IPPK: variants seen among roughly 807,000 people sequenced by gnomAD.
The protein encoded by IPPK is inositol-pentakisphosphate 2-kinase.
Under a neutral mutation model 64.6 loss-of-function variants are expected in IPPK, and 22 were observed. The observed-to-expected ratio is 0.34, with a 90% CI of 0.24 to 0.49. The LOEUF (loss-of-function observed/expected upper bound fraction) is 0.49, where lower values mean the gene tolerates loss of function less well. Ranked by LOEUF, IPPK falls within the 20% of genes least tolerant of loss-of-function variation. IPPK has a pLI of 0.99. For synonymous variants in IPPK, 262 were observed against 247.2 expected (o/e 1.06, Z -0.56); for missense variants, 532 against 630.7 (o/e 0.84, Z 1.68).
At chr9:92,621,559 G>A (rs947738429) in intron 11 of IPPK, among the ~76,000 whole-genome samples, 2 of 134,944 alleles carry the variant, frequency 1.5e-5, no homozygotes, top group African/African-American at 6.0e-5. Context: ...TGTTGCCCAG[G>A]CTGGAGCACA....
At chr9:92,648,663 G>A (rs930543110) in intron 5 of IPPK, among the ~76,000 whole-genome samples, 1 of 152,252 alleles carries the variant, frequency 6.6e-6, no homozygotes, top group Admixed American at 6.5e-5. Flanking sequence ...ACTGGAGATG[G>A]TGGCTGGGGA....
Position 92,642,829 on chromosome 9 carries a change from G to C in IPPK, c.505-19C>G. 1.2e-6 allele frequency: 2 copies of C among 1,607,018 alleles called. No individual in the cohort carries two copies. The highest frequency in any genetic ancestry group is 1.7e-6 in the Non-Finnish European group (2 of 1,173,536). ...TTGCTACCTGTGAAAACACCAACAG[G>C]AGGGCATGAGGTGACTGGCGCTGGT... On this transcript the variant is annotated intron_variant, in intron 6 of 12. Transcript: ENST00000287996.
Position 92,638,145 on chromosome 9 carries a change from T to C in IPPK, c.772A>G (p.Ile258Val). ...GTGATCACGTGCACCAGCTCCCTGA[T>C]CACAGCCCTTGTGCAGTGGGGCCCA... is the stretch of plus-strand genomic sequence containing the variant. ...ASGPHCTRAV[I>V]RELVHVITRV... Residue 258 changes from isoleucine to valine, a missense_variant, in exon 9 of 13, where the codon ATC becomes GTC. Coordinates refer to ENST00000287996, the MANE Select transcript of IPPK (RefSeq NM_022755.6). 2 of 1,614,186 alleles carry C rather than the reference T, an allele frequency of 1.2e-6. No individual in the cohort carries two copies. Among genetic ancestry groups the C allele is most frequent in the South Asian group, 2.2e-5 (2 of 91,090 alleles).
In IPPK at chr9:92,613,295, C is replaced by A; in HGVS notation, c.*2537G>T. 1 of 832,762 alleles carries A rather than the reference C, an allele frequency of 1.2e-6. No individual in the cohort carries two copies. The highest frequency in any genetic ancestry group is 1.8e-5 in the South Asian group (1 of 56,356). The allele number at this position is 832,762 out of a possible 1,614,324, so 51.6% of individuals were successfully genotyped here. A position where few individuals can be genotyped will look rare whatever the true frequency, so the allele number is the denominator to read the frequency against. ...AGTTATGGCACATTATATGGAAACT[C>A]TCATGACATGAAAAATAAATACAAC... On this transcript the variant is annotated 3_prime_UTR_variant, in exon 13 of 13. Coordinates refer to ENST00000287996, the MANE Select transcript of IPPK (RefSeq NM_022755.6).
chr9:92,643,475 T>C (rs1285550924), intron 6 of IPPK, among the ~76,000 whole-genome samples: 1 of 151,544 alleles, frequency 6.6e-6, no homozygotes, highest in Non-Finnish European at 1.5e-5. Flanking sequence ...AATGAAGAAA[T>C]GCATAAATGA....
At chr9:92,665,297 G>GA (rs956297865) in intron 1 of IPPK, among the ~76,000 whole-genome samples, 1 of 152,150 alleles carries the variant, frequency 6.6e-6, no homozygotes, top group African/African-American at 2.4e-5. Flanking sequence ...TATACAGTCA[G>GA]AAAAAAACAG....
intron 6 of IPPK, among the ~76,000 whole-genome samples, chr9:92,647,244 T>C (rs1444559968): frequency 1.3e-5 from 2 of 152,102 alleles, no homozygotes; most frequent in African/African-American, 2.4e-5. Flanking sequence ...TCTCAACAGA[T>C]TGGTAACAAG....
intron 6 of IPPK, 33 bp downstream of exon 6, chr9:92,648,026 T>A: frequency 2.6e-6 from 4 of 1,523,136 alleles, no homozygotes; most frequent in Non-Finnish European, 3.6e-6. Flanking sequence ...AGCGTGCAGC[T>A]AGAGTAGCCC....
chr9:92,651,700 G>A (rs1852269841), intron 4 of IPPK, among the ~76,000 whole-genome samples: 1 of 152,114 alleles, frequency 6.6e-6, no homozygotes, highest in Non-Finnish European at 1.5e-5. Context: ...TGTTTTCTGT[G>A]GTATTAATTT....
intron 11 of IPPK, among the ~76,000 whole-genome samples, chr9:92,626,862 G>C (rs913990517): frequency 6.6e-6 from 1 of 150,940 alleles, no homozygotes; most frequent in African/African-American, 2.4e-5. Context: ...CAGACTATCA[G>C]AAGACATCTT....
chr9:92,629,482 T>G (rs919737237), intron 11 of IPPK, among the ~76,000 whole-genome samples: 3 of 152,130 alleles, frequency 2.0e-5, no homozygotes, highest in African/African-American at 7.2e-5. Flanking sequence ...CTGGGCACGG[T>G]GGCTCACACC....
intron 7 of IPPK, among the ~76,000 whole-genome samples, chr9:92,641,197 T>C (rs1852039003): frequency 6.6e-6 from 1 of 152,186 alleles, no homozygotes. Flanking sequence ...AGACCTCTGA[T>C]GGGCCACGAA....
At chr9:92,633,291 G>A (rs548475638) in intron 11 of IPPK, among the ~76,000 whole-genome samples, 212 of 151,024 alleles carry the variant, frequency 1.4e-3, no homozygotes, top group African/African-American at 4.7e-3. Flanking sequence ...GTTTACAGGC[G>A]TGAGCCACCA....
chr9:92,624,376 T>C (rs1851697431), intron 11 of IPPK, among the ~76,000 whole-genome samples: 1 of 152,120 alleles, frequency 6.6e-6, no homozygotes, highest in Non-Finnish European at 1.5e-5. Context: ...TGAGTATTAC[T>C]TGAACCCGGG....
At chr9:92,651,330 A>G (rs1185049804) in intron 4 of IPPK, among the ~76,000 whole-genome samples, 1 of 152,230 alleles carries the variant, frequency 6.6e-6, no homozygotes, top group African/African-American at 2.4e-5. Context: ...CACTGACTGA[A>G]AAAAAAGGTT....
chr9:92,648,814 C>T (rs74368140), intron 5 of IPPK, among the ~76,000 whole-genome samples: 168 of 152,314 alleles, frequency 1.1e-3, no homozygotes, highest in African/African-American at 3.7e-3. Context: ...GGGACCCTGA[C>T]AGCCACCCCC....
chr9:92,662,680 GA>G (rs1443659308), intron 1 of IPPK, among the ~76,000 whole-genome samples: 3 of 152,082 alleles, frequency 2.0e-5, no homozygotes, highest in African/African-American at 7.2e-5. Flanking sequence ...TTCCACCTTG[GA>G]AAATTAGATG....
At chr9:92,618,487 TG>T (rs1356110894) in intron 12 of IPPK, 2 of 456,586 alleles carry the variant, frequency 4.4e-6, no homozygotes, top group Middle Eastern at 3.2e-4. Flanking sequence ...AAGGGCACCC[TG>T]CATCCAAGCA....
chr9:92,640,908 C>A, intron 7 of IPPK, 126 bp from the exon 8 acceptor site: 1 of 713,778 alleles, frequency 1.4e-6, no homozygotes, highest in East Asian at 2.6e-5. Context: ...ACCCAGAGTC[C>A]AACTAGGTCC....
Sources: allele counts gnomAD v4.1 joint callset (sites outside exome capture counted in the v4.1 genomes callset), GRCh38; gene constraint gnomAD v4.1.1; transcripts MANE v1.5; gene names NCBI Gene and HGNC (gene_info 2026-07-23, HGNC 2026-07-21).